The following LRRC9 variants were observed in gnomAD, a reference collection of about 807,000 sequenced individuals.
The protein encoded by LRRC9 is leucine rich repeat containing 9.
A neutral mutation model predicts 63.2 loss-of-function variants in LRRC9; 122 were observed. That is an observed-to-expected ratio of 1.93 (90% CI 1.67 to 2.24). LRRC9 has a LOEUF of 2.24. LRRC9 is among the 30% of genes most tolerant of loss of function. The pLI is 0.00. For synonymous variants in LRRC9, 366 were observed against 213.1 expected (o/e 1.72, Z -6.25); for missense variants, 1,071 against 627.7 (o/e 1.71, Z -7.55).
At chr14:59,965,747 A>G (rs1248026679) in intron 10 of LRRC9, among the ~76,000 whole-genome samples, 1 of 151,550 alleles carries the variant, frequency 6.6e-6, no homozygotes, top group African/African-American at 2.4e-5. Context: ...GCCGGGCGTG[A>G]TGGCGGGCGC....
chr14:60,062,094 A>G (rs1021782370), intron 31 of LRRC9: 2 of 398,722 alleles, frequency 5.0e-6, no homozygotes, highest in African/African-American at 4.1e-5. Context: ...ACTCAGAGGG[A>G]TAAGTATCTC....
intron 8 of LRRC9, among the ~76,000 whole-genome samples, chr14:59,949,582 G>T: frequency 7.0e-6 from 1 of 143,776 alleles, no homozygotes; most frequent in South Asian, 2.2e-4. Context: ...GCTTTTAATT[G>T]TGATGTTAGG....
intron 29 of LRRC9, among the ~76,000 whole-genome samples, chr14:60,035,788 T>G (rs1892379502): frequency 2.6e-5 from 4 of 152,240 alleles, no homozygotes; most frequent in Admixed American, 2.0e-4. Context: ...GTCTCCAGCT[T>G]TGTTCTTTTT....
At chr14:59,968,364 C>A (rs1013219310) in intron 12 of LRRC9, among the ~76,000 whole-genome samples, 3 of 152,180 alleles carry the variant, frequency 2.0e-5, no homozygotes, top group Non-Finnish European at 4.4e-5. Context: ...GCGATGGTTG[C>A]ACAACAACGT....
chr14:60,008,173 T>C, exon 23 of LRRC9: 2 of 701,814 alleles, frequency 2.8e-6, no homozygotes, highest in Non-Finnish European at 5.2e-6. Flanking sequence ...GTTTGTAATA[T>C]TTCATCTTCC....
chr14:59,943,773 C>A (rs1882043258), intron 7 of LRRC9, among the ~76,000 whole-genome samples: 2 of 151,928 alleles, frequency 1.3e-5, no homozygotes, highest in South Asian at 2.1e-4. Context: ...ATATTAGGAT[C>A]TTGATTATCC....
intron 15 of LRRC9, among the ~76,000 whole-genome samples, chr14:59,979,973 T>C (rs1392087627): frequency 6.6e-6 from 1 of 151,720 alleles, no homozygotes; most frequent in Non-Finnish European, 1.5e-5. Context: ...ATAATAATAA[T>C]AAAATTAAAA....
chr14:60,007,670 T>C (rs745426710), intron 22 of LRRC9, among the ~76,000 whole-genome samples: 1 of 152,208 alleles, frequency 6.6e-6, no homozygotes, highest in African/African-American at 2.4e-5. Flanking sequence ...CATTAATAGA[T>C]AATACATTTG....
chr14:60,029,744 T>C (rs989142510), intron 28 of LRRC9, among the ~76,000 whole-genome samples: 1 of 152,116 alleles, frequency 6.6e-6, no homozygotes, highest in South Asian at 2.1e-4. Context: ...AAATCTAATA[T>C]AGCTAAATGA....
intron 23 of LRRC9, among the ~76,000 whole-genome samples, chr14:60,011,836 G>T (rs984893280): frequency 2.6e-5 from 4 of 152,188 alleles, no homozygotes; most frequent in Non-Finnish European, 5.9e-5. Flanking sequence ...CAATTTGGGG[G>T]TGTAAGATGA....
chr14:60,057,068 T>C (rs1595128495), intron 30 of LRRC9, among the ~76,000 whole-genome samples: 1 of 152,188 alleles, frequency 6.6e-6, no homozygotes, highest in Non-Finnish European at 1.5e-5. Flanking sequence ...GCATTCATTA[T>C]AAAGCAGCAT....
chr14:59,955,472 G>T (rs1883637212), intron 8 of LRRC9, among the ~76,000 whole-genome samples: 1 of 152,178 alleles, frequency 6.6e-6, no homozygotes, highest in Admixed American at 6.5e-5. Context: ...TTGTATTTCT[G>T]TGGGATCAAT....
chr14:60,039,246 A>C (rs1892721763), intron 29 of LRRC9, among the ~76,000 whole-genome samples: 1 of 152,162 alleles, frequency 6.6e-6, no homozygotes, highest in African/African-American at 2.4e-5. Flanking sequence ...TGTCTCTGCC[A>C]GGCTTTCGTA....
intron 26 of LRRC9, among the ~76,000 whole-genome samples, chr14:60,020,872 A>T: frequency 6.6e-6 from 1 of 151,832 alleles, no homozygotes; most frequent in Non-Finnish European, 1.5e-5. Flanking sequence ...TATGTTACAT[A>T]ATGTTTATTC....
intron 29 of LRRC9, among the ~76,000 whole-genome samples, chr14:60,052,791 C>T (rs1893989185): frequency 6.6e-6 from 1 of 152,110 alleles, no homozygotes; most frequent in Non-Finnish European, 1.5e-5. Context: ...ATAATATAAT[C>T]CTATTCATGA....
At chr14:59,939,020 T>TACAC (rs1555369217) in intron 7 of LRRC9, among the ~76,000 whole-genome samples, 15 of 146,646 alleles carry the variant, frequency 1.0e-4, no homozygotes, top group African/African-American at 3.7e-4. Context: ...TACACATATA[T>TACAC]ATATACATAT....
chr14:59,976,539 GAACTCCTT>G (rs1399154331), intron 13 of LRRC9, among the ~76,000 whole-genome samples: 1 of 152,080 alleles, frequency 6.6e-6, no homozygotes, highest in Admixed American at 6.5e-5. Context: ...AGTCTAGAAA[GAACTCCTT>G]AACTCCTTAC....
At chr14:60,043,099 T>C (rs1893096013) in intron 29 of LRRC9, among the ~76,000 whole-genome samples, 1 of 152,210 alleles carries the variant, frequency 6.6e-6, no homozygotes, top group Non-Finnish European at 1.5e-5. Context: ...TCAAATTGTT[T>C]GCTGTTGACA....
At chr14:60,035,221 T>C (rs1393906243) in intron 29 of LRRC9, among the ~76,000 whole-genome samples, 1 of 152,184 alleles carries the variant, frequency 6.6e-6, no homozygotes, top group Non-Finnish European at 1.5e-5. Flanking sequence ...TGTTAAGTTG[T>C]TTGAGCTCTT....
Sources: allele counts gnomAD v4.1 joint callset (sites outside exome capture counted in the v4.1 genomes callset), GRCh38; gene constraint gnomAD v4.1.1; transcripts MANE v1.5; gene names NCBI Gene and HGNC (gene_info 2026-07-23, HGNC 2026-07-21).